Variants in CUL9 observed in about 807,000 individuals in gnomAD.
CUL9 encodes the protein cullin-9.
A neutral mutation model predicts 272.6 loss-of-function variants in CUL9; 79 were observed. That is an observed-to-expected ratio of 0.29 (90% CI 0.24 to 0.35). The LOEUF is 0.35. Ranked by LOEUF, CUL9 falls within the 10% of genes least tolerant of loss-of-function variation. CUL9 has a pLI of 1.00. For missense variants in CUL9, 2,532 were observed against 3,255.6 expected (o/e 0.78, Z 5.41); for synonymous variants, 1,186 against 1,286.5 (o/e 0.92, Z 1.67).
intron 8 of CUL9, among the ~76,000 whole-genome samples, chr6:43,189,691 C>A (rs1489367381): frequency 7.9e-5 from 12 of 152,086 alleles, no homozygotes; most frequent in Admixed American, 6.5e-4. Context: ...TTACAGGTGC[C>A]CACCACCAGG....
At position 43,188,526 on chromosome 6, in the gene CUL9, T is replaced by C; in HGVS notation, c.1991T>C (p.Met664Thr). 6.3e-7 allele frequency: 1 copy of C among 1,583,050 alleles called. No individual in the cohort carries two copies. Among genetic ancestry groups the C allele is most frequent in the Non-Finnish European group, 8.6e-7 (1 of 1,165,774 alleles). ...PTEMKEAASE[M>T]ARALRGPGPR... is the part of the protein sequence containing the mutation. Reference sequence around the variant, plus strand: ...TGCCTTTTCCCACCAATTTCAGAAATGGCCAGAGCCTTGCGGGGTCCCGGT... The same window carrying C: ...TGCCTTTTCCCACCAATTTCAGAAACGGCCAGAGCCTTGCGGGGTCCCGGT... Residue 664 changes from methionine (M) to threonine (T), a missense_variant, in exon 8 of 41, where the codon ATG (methionine) becomes ACG (threonine). Transcript: ENST00000252050.
intron 10 of CUL9, 156 bp downstream of exon 10, chr6:43,196,421 C>G: frequency 1.2e-6 from 1 of 820,450 alleles, no homozygotes; most frequent in Non-Finnish European, 1.9e-6. Context: ...GAGGAGAACC[C>G]AAGTGGATTG....
chr6:43,185,901 G>T, intron 3 of CUL9, 54 bp from the exon 4 acceptor site: 1 of 1,536,488 alleles, frequency 6.5e-7, no homozygotes. Flanking sequence ...TCAGGGAAGG[G>T]GAGAGGCTAA....
At chr6:43,197,643 C>T (rs1774131004) in intron 11 of CUL9, among the ~76,000 whole-genome samples, 1 of 151,814 alleles carries the variant, frequency 6.6e-6, no homozygotes, top group African/African-American at 2.4e-5. Flanking sequence ...ACCACCACAC[C>T]CAGCTAATTT....
chr6:43,223,136 C>T lies in CUL9; in HGVS notation c.7151-128C>T, dbSNP rs1054955420. ...GGTTTCTGGTCTTTACCCTGCTCCC[C>T]TAGGGAGCTTCATGAGAATGTCTAG... is the stretch of plus-strand genomic sequence containing the variant. On this transcript the variant is annotated intron_variant, in intron 38 of 40. Coordinates refer to ENST00000252050, the MANE Select transcript of CUL9 (RefSeq NM_015089.4). The surrounding 1 kb of genome is among the most constrained non-coding windows in gnomAD (Gnocchi z 4.1). 185 of 1,328,388 alleles carry T rather than the reference C, an allele frequency of 1.4e-4. No homozygotes were observed. The highest frequency in any genetic ancestry group is 4.0e-5 in the Non-Finnish European group (39 of 979,872). 82.3% of individuals were successfully genotyped at this position (1,328,388 alleles called of 1,614,324 possible).
rs558896166 is a variant in CUL9, at chr6:43,204,690, C to T, written c.4340-58C>T. On this transcript the variant is annotated intron_variant, in intron 21 of 40. Transcript: ENST00000252050. ...TTTCCAGGAGATCACTACCCAAGAC[C>T]GGTGTACTCACCCAGAGGCTGAGAT... 2.3e-5 allele frequency: 36 copies of T among 1,597,354 alleles called. No homozygotes were observed. The South Asian group carries it at 2.6e-4, about 11-fold the overall frequency.
Position 43,187,766 on chromosome 6 carries a change from G to A in CUL9, c.1635G>A (p.Glu545=). The A allele has an allele frequency of 6.2e-7, 1 of 1,613,612 alleles. No individual in the cohort carries two copies. Among genetic ancestry groups the A allele is most frequent in the Non-Finnish European group, 8.5e-7 (1 of 1,179,968 alleles). Reference sequence around the variant, plus strand: ...TCTCTGTGTCCGTGGAAATGGCCGAGAGTCTGCTGCAGGTTCTCAGTAGTC... The same window carrying A: ...TCTCTGTGTCCGTGGAAATGGCCGAAAGTCTGCTGCAGGTTCTCAGTAGTC... ...GEISVSVEMA[E]SLLQVLSSRF... is the part of the protein sequence containing the mutation. The change falls in exon 7 of 41, where the codon GAG becomes GAA. Residue 545 remains glutamate, a synonymous_variant. Coordinates refer to ENST00000252050, the MANE Select transcript of CUL9 (RefSeq NM_015089.4).
At position 43,182,670 on chromosome 6, in the gene CUL9, C is replaced by T. The variant is rs369382503; in HGVS notation, c.-10+421C>T. On this transcript the variant is annotated intron_variant, in intron 1 of 40. Transcript: ENST00000252050. ...GCTACCATCCAGGCTTGCCCCCCAT[C>T]CTAAGTGGACCCCTACCTCCATTGA... Among the ~76,000 whole-genome samples, 53 of 152,218 alleles carry T rather than the reference C, an allele frequency of 3.5e-4. 1 individual carries two copies. In the South Asian group the frequency reaches 5.2e-3, roughly 15 times the overall value.
chr6:43,196,012 C>T (rs1463349516), intron 9 of CUL9, 57 bp from the exon 10 acceptor site: 27 of 1,481,616 alleles, frequency 1.8e-5, no homozygotes, highest in Non-Finnish European at 2.4e-5. Flanking sequence ...ATGAGGCCTA[C>T]CTTTCCTCAT....
intron 9 of CUL9, among the ~76,000 whole-genome samples, chr6:43,194,140 G>A (rs936206256): frequency 2.6e-5 from 4 of 152,252 alleles, no homozygotes; most frequent in African/African-American, 9.6e-5. Context: ...TAGCCTGAGG[G>A]TTCCTGAGGG....
rs1000732193 is a variant in CUL9, at chr6:43,218,484, G to A, written c.6283-1975G>A. On this transcript the variant is annotated intron_variant, in intron 31 of 40. Coordinates refer to ENST00000252050, the MANE Select transcript of CUL9 (RefSeq NM_015089.4). This position sits in a 1 kb window ranked among gnomAD's most constrained non-coding sequence, Gnocchi z 4.4. ...ACCCACCTCAGCCTCCCAAAGTGCT[G>A]GAATTACAGGCGTGAGCCACTGCGC... 6.6e-6 allele frequency among the ~76,000 whole-genome samples: 1 copy of A among 152,176 alleles called. No individual in the cohort carries two copies. The highest frequency in any genetic ancestry group is 1.5e-5 in the Non-Finnish European group (1 of 68,032).
chr6:43,214,321 G>A (rs550346452), intron 29 of CUL9, among the ~76,000 whole-genome samples: 6 of 152,316 alleles, frequency 3.9e-5, no homozygotes, highest in East Asian at 1.9e-4. Context: ...TTGGGAGGCC[G>A]AGGCATGAGA....
In CUL9 at chr6:43,216,383, G is replaced by T. The variant is rs371391251; in HGVS notation, c.6162G>T (p.Gly2054=). The T allele has an allele frequency of 1.2e-6, 2 of 1,614,122 alleles. No individual in the cohort carries two copies. Among genetic ancestry groups the T allele is most frequent in the African/African-American group, 2.7e-5 (2 of 75,048 alleles). Residue 2054 remains glycine (G), a synonymous_variant, in exon 31 of 41, where the codon GGG becomes GGT. Coordinates refer to ENST00000252050, the MANE Select transcript of CUL9 (RefSeq NM_015089.4). ...EDPEPLLLAA[G]LCVHQAQAVP... ...CTGAGCCACTGCTGCTGGCAGCTGG[G>T]CTGTGCGTACACCAGGCTCAGGCTG...
Position 43,198,648 on chromosome 6 carries a change from C to T in CUL9, c.2843C>T (p.Pro948Leu). 1 of 1,614,160 alleles carries T rather than the reference C, an allele frequency of 6.2e-7. No individual in the cohort carries two copies. The highest frequency in any genetic ancestry group is 1.1e-5 in the South Asian group (1 of 91,082). The change falls in exon 12 of 41, where the codon CCT (proline) becomes CTT (leucine). Residue 948 changes from proline to leucine, a missense_variant. By Grantham distance (98) the Pro-to-Leu change is moderately conservative. Coordinates refer to ENST00000252050, the MANE Select transcript of CUL9 (RefSeq NM_015089.4). ...TPIIQGQDGS[P>L]ELLIRSLVGG... is the part of the protein sequence containing the mutation. ...ATCATCCAGGGTCAGGATGGGTCCC[C>T]TGAGCTACTGATTCGATCCCTGGTT... is the stretch of plus-strand genomic sequence containing the variant.
chr6:43,189,217 G>T (rs1279231787), intron 8 of CUL9, among the ~76,000 whole-genome samples: 3 of 149,612 alleles, frequency 2.0e-5, no homozygotes, highest in African/African-American at 7.4e-5. Context: ...TTTTGAGACA[G>T]TCTTGCTATG....
chr6:43,206,166 G>A lies in CUL9; in HGVS notation c.4953G>A (p.Gln1651=). 1 of 1,613,862 alleles carries A rather than the reference G, an allele frequency of 6.2e-7. No individual in the cohort carries two copies. Among genetic ancestry groups the A allele is most frequent in the Non-Finnish European group, 8.5e-7 (1 of 1,179,902 alleles). The change falls in exon 25 of 41, where the codon CAG becomes CAA. Residue 1651 remains glutamine, a synonymous_variant. Transcript: ENST00000252050. This position sits in a 1 kb window ranked among gnomAD's most constrained non-coding sequence, Gnocchi z 4.8. The part of the protein sequence containing the change: ...EELQRQFHLF[Q]LQRLDKLFLE... Reference sequence around the variant, plus strand: ...TGCAGCGCCAGTTCCACCTCTTCCAGCTCCAGCGGCTCGACAAGTTGTTCT... The same window carrying A: ...TGCAGCGCCAGTTCCACCTCTTCCAACTCCAGCGGCTCGACAAGTTGTTCT...
At chr6:43,214,701 T>C (rs1213462951) in intron 29 of CUL9, among the ~76,000 whole-genome samples, 1 of 151,566 alleles carries the variant, frequency 6.6e-6, no homozygotes, top group African/African-American at 2.4e-5. Context: ...CTTGGGAGGC[T>C]GAGGCGGTAG....
intron 8 of CUL9, chr6:43,189,064 C>A: frequency 5.6e-6 from 1 of 179,466 alleles, no homozygotes; most frequent in Non-Finnish European, 1.1e-5. Context: ...AGCCAGGATT[C>A]AAACCTAGGT....
Position 43,199,747 on chromosome 6 carries a change from A to T in CUL9, c.3157-182A>T, listed in dbSNP as rs1774351459. Among the ~76,000 whole-genome samples the T allele has an allele frequency of 6.6e-6, 1 of 151,804 alleles. No homozygotes were observed. The highest frequency in any genetic ancestry group is 2.4e-5 in the African/African-American group (1 of 41,316). Reference sequence around the variant, plus strand: ...TGCCCAAGCTCTGTTCTGCCAACTCACTCTGGAGTCCCAGCACTCCTCTAT... The same window carrying T: ...TGCCCAAGCTCTGTTCTGCCAACTCTCTCTGGAGTCCCAGCACTCCTCTAT... On this transcript the variant is annotated intron_variant, in intron 13 of 40. Coordinates refer to ENST00000252050, the MANE Select transcript of CUL9 (RefSeq NM_015089.4). The surrounding 1 kb of genome is among the most constrained non-coding windows in gnomAD (Gnocchi z 4.4).
Sources: gnomAD v4.1 joint callset for allele counts (sites outside exome capture counted in the v4.1 genomes callset) on GRCh38, gnomAD v4.1.1 for gene constraint, Gnocchi (gnomAD v3.1) non-coding constraint, MANE v1.5 for transcripts, NCBI Gene and HGNC (gene_info 2026-07-23, HGNC 2026-07-21) for gene names.